Variants in CCDC93 observed in about 807,000 individuals in gnomAD.
CCDC93 encodes the protein CCC complex scaffolding subunit CCDC93.
A neutral mutation model predicts 108.2 loss-of-function variants in CCDC93; 61 were observed. That is an observed-to-expected ratio of 0.56 (90% confidence interval 0.46 to 0.70). The LOEUF is 0.70. Among genes scored for constraint, CCDC93 ranks in the 30% least tolerant of loss-of-function variants. The probability of loss-of-function intolerance (pLI) is 0.00; values close to 1 mark genes in which losing one functional copy is unlikely to be tolerated. For synonymous variants in CCDC93, 276 were observed against 260.4 expected, an observed-to-expected ratio of 1.06 and a Z score of -0.58; for missense variants, 685 against 764.2, an observed-to-expected ratio of 0.90 and a Z score of 1.22.
intron 4 of CCDC93, chr2:117,997,114 G>T (rs1209575405): frequency 2.0e-5 from 3 of 152,162 alleles, no homozygotes; most frequent in Admixed American, 1.3e-4. Flanking sequence ...CTGGACAAAT[G>T]GTTTCATGAA....
intron 4 of CCDC93, chr2:118,000,001 G>T (rs1680790760): frequency 6.6e-6 from 1 of 152,006 alleles, no homozygotes; most frequent in Non-Finnish European, 1.5e-5. Context: ...ATAGGGGTTT[G>T]GGAAACAGCT....
rs781344244 is a variant in CCDC93 at position 118,006,711 on chromosome 2, G to GA, written c.251+10dup. The GA allele has an allele frequency of 1.5e-5, 23 of 1,560,332 alleles. No individual in the cohort carries two copies. The African/African-American group carries it at 3.1e-4, about 21-fold the overall frequency. On this transcript the variant is annotated intron_variant, in intron 3 of 23. Transcript: ENST00000376300. ...TCTCCCCACCTTTAGGTTTTCCATA[G>GA]AAAAACTTACATTTTTTGACCTATC...
intron 6 of CCDC93, among the ~76,000 whole-genome samples, chr2:117,993,438 CAAAAA>C (rs35648657): frequency 7.0e-6 from 1 of 141,998 alleles, no homozygotes; most frequent in Non-Finnish European, 1.5e-5. Flanking sequence ...CTTTTGTTAC[CAAAAA>C]AAAAAACAAA....
rs534738145 is a variant in CCDC93, at chr2:117,944,647, G to A, written c.1351-561C>T. On this transcript the variant is annotated intron_variant, in intron 17 of 23. Coordinates refer to ENST00000376300, the MANE Select transcript of CCDC93 (RefSeq NM_019044.5). ...AAGAGACATGGCTGGATGGTTTGTC[G>A]CCTCAGAGAAAGTTACAAAAGGGGT... The A allele has an allele frequency of 6.2e-5, 28 of 455,160 alleles. No individual in the cohort carries two copies. In the East Asian group the frequency reaches 6.4e-4, roughly 10 times the overall value. 28.2% of individuals were successfully genotyped at this position (455,160 alleles called of 1,614,324 possible).
chr2:117,978,893 A>G (rs958324625), intron 7 of CCDC93, among the ~76,000 whole-genome samples: 28 of 151,846 alleles, frequency 1.8e-4, no homozygotes, highest in Non-Finnish European at 1.5e-5. Flanking sequence ...CTGTAGTCCC[A>G]GCTACTTGGG....
chr2:117,931,265 G>A (rs1418296092), intron 22 of CCDC93, 115 bp from the exon 23 acceptor site: 1 of 677,598 alleles, frequency 1.5e-6, no homozygotes, highest in African/African-American at 1.8e-5. Context: ...TACAGTAGAG[G>A]AAGCTTCAAT....
intron 16 of CCDC93, 122 bp from the exon 17 acceptor site, chr2:117,945,704 G>A: frequency 1.3e-6 from 1 of 747,142 alleles, no homozygotes; most frequent in Non-Finnish European, 2.3e-6. Flanking sequence ...GAAATGTGTT[G>A]ATGTCCCCCG....
intron 23 of CCDC93, among the ~76,000 whole-genome samples, chr2:117,928,906 T>C (rs1678221864): frequency 6.6e-6 from 1 of 152,166 alleles, no homozygotes; most frequent in Non-Finnish European, 1.5e-5. Flanking sequence ...GTGGCACATA[T>C]ACACCACGGA....
At chr2:117,985,011 G>A (rs1558796075) in intron 7 of CCDC93, among the ~76,000 whole-genome samples, 2 of 145,740 alleles carry the variant, frequency 1.4e-5, no homozygotes, top group African/African-American at 5.7e-5. Flanking sequence ...GCCTGACTTG[G>A]AGGAGGCATT....
Position 117,964,053 on chromosome 2 carries a change from C to T in CCDC93, c.889-5572G>A, listed in dbSNP as rs570026840. Among the ~76,000 whole-genome samples the T allele has an allele frequency of 1.1e-4, 16 of 152,268 alleles. No homozygotes were observed. In the East Asian group the frequency reaches 2.5e-3, roughly 24 times the overall value. ...ATCCGAATTCAGGAAATCTTAGAGC[C>T]GTTTGTAAACAGAAACATATTTAGC... On this transcript the variant is annotated intron_variant, in intron 11 of 23. Coordinates refer to ENST00000376300, the MANE Select transcript of CCDC93 (RefSeq NM_019044.5).
Position 117,939,051 on chromosome 2 carries a change from T to C in CCDC93, c.1583A>G (p.Lys528Arg), listed in dbSNP as rs1165497018. The C allele has an allele frequency of 6.3e-7, 1 of 1,599,584 alleles. No homozygotes were observed. Among genetic ancestry groups the C allele is most frequent in the Non-Finnish European group, 8.6e-7 (1 of 1,167,442 alleles). The change falls in exon 20 of 24, where the codon AAA becomes AGA. Residue 528 changes from lysine to arginine, a missense_variant. By Grantham distance (26) the Lys-to-Arg change is conservative. Coordinates refer to ENST00000376300, the MANE Select transcript of CCDC93 (RefSeq NM_019044.5). ...FFTLYNTLDD[K>R]KVYLEKEISL... is the part of the protein sequence containing the mutation. Reference sequence around the variant, plus strand: ...TACCTCTTTTTCCAAATAAACCTTTTTATCATCCAGGGTATTATATAAAGT... The same window carrying C: ...TACCTCTTTTTCCAAATAAACCTTTCTATCATCCAGGGTATTATATAAAGT...
Position 117,915,923 on chromosome 2 carries a change from T to C in CCDC93, c.*4420A>G, listed in dbSNP as rs1677669376. 1 of 152,240 alleles carries C rather than the reference T, an allele frequency of 6.6e-6. No homozygotes were observed. The highest frequency in any genetic ancestry group is 1.5e-5 in the Non-Finnish European group (1 of 68,048). 9.4% of individuals were successfully genotyped at this position (152,240 alleles called of 1,614,324 possible). ...TCCATTGTTTTAAATTTCTACAAACTATTCCATTGTTTAAGCTGGCCATAA... is the reference window on the plus strand; with the variant it reads ...TCCATTGTTTTAAATTTCTACAAACCATTCCATTGTTTAAGCTGGCCATAA... On this transcript the variant is annotated 3_prime_UTR_variant, in exon 24 of 24. Coordinates refer to ENST00000376300, the MANE Select transcript of CCDC93 (RefSeq NM_019044.5).
intron 23 of CCDC93, chr2:117,930,669 G>A (rs1678296236): frequency 6.2e-6 from 1 of 161,132 alleles, no homozygotes; most frequent in Non-Finnish European, 1.4e-5. Context: ...GCTTCTTGAG[G>A]TCCCTCCCCA....
Position 117,920,202 on chromosome 2 carries a change from G to T in CCDC93, c.*141C>A. ...CAACAGAGATGAATGGAAGCAAAGAGGAGAAAGAAAACATCCAGGTTGTTG... is the reference window on the plus strand; with the variant it reads ...CAACAGAGATGAATGGAAGCAAAGATGAGAAAGAAAACATCCAGGTTGTTG... On this transcript the variant is annotated 3_prime_UTR_variant, in exon 24 of 24. Coordinates refer to ENST00000376300, the MANE Select transcript of CCDC93 (RefSeq NM_019044.5). 1 of 560,384 alleles carries T rather than the reference G, an allele frequency of 1.8e-6. No homozygotes were observed. The highest frequency in any genetic ancestry group is 3.2e-6 in the Non-Finnish European group (1 of 312,154). The allele number at this position is 560,384 out of a possible 1,614,324, so 34.7% of individuals were successfully genotyped here.
At chr2:117,935,921 T>C (rs766531592) in intron 21 of CCDC93, 13 of 178,010 alleles carry the variant, frequency 7.3e-5, no homozygotes, top group Admixed American at 1.2e-4. Flanking sequence ...ACTGCATAAG[T>C]AATGAATTTC....
chr2:117,954,134 C>T (rs963196796), intron 12 of CCDC93, among the ~76,000 whole-genome samples: 2 of 152,232 alleles, frequency 1.3e-5, no homozygotes, highest in Non-Finnish European at 1.5e-5. Context: ...TTCCCACCTG[C>T]TTCACCCACC....
intron 23 of CCDC93, among the ~76,000 whole-genome samples, chr2:117,924,865 G>T (rs1678021346): frequency 6.6e-6 from 1 of 152,160 alleles, no homozygotes; most frequent in Non-Finnish European, 1.5e-5. Flanking sequence ...AATGTTAAGG[G>T]CAGACAGAGA....
intron 11 of CCDC93, among the ~76,000 whole-genome samples, chr2:117,963,138 G>A (rs1679447339): frequency 6.6e-6 from 1 of 152,142 alleles, no homozygotes; most frequent in South Asian, 2.1e-4. Context: ...TAAGGGATAT[G>A]GGGCTCACAG....
chr2:117,951,314 G>A, intron 13 of CCDC93: 1 of 985,370 alleles, frequency 1.0e-6, no homozygotes, highest in Non-Finnish European at 1.2e-6. Flanking sequence ...TCTGTCCAAA[G>A]GCAAGGCAGG....
Sources: allele counts gnomAD v4.1 joint callset (sites outside exome capture counted in the v4.1 genomes callset), GRCh38; gene constraint gnomAD v4.1.1; transcripts MANE v1.5; gene names NCBI Gene and HGNC (gene_info 2026-07-23, HGNC 2026-07-21).